ARB2A: variants seen among roughly 807,000 people sequenced by gnomAD.
ARB2A encodes cotranscriptional regulator ARB2A.
the ARB2A span, chr5:93,805,581 G>C: frequency 3.0e-6 from 3 of 984,988 alleles, no homozygotes; most frequent in South Asian, 9.4e-5. Context: ...TAATTACACA[G>C]AGGTCACAAT....
the ARB2A span, among the ~76,000 whole-genome samples, chr5:93,802,165 T>C: frequency 6.6e-6 from 1 of 152,090 alleles, no homozygotes; most frequent in Non-Finnish European, 1.5e-5. Flanking sequence ...AGATATATTT[T>C]CTCTGATAAA....
At chr5:93,790,714 T>C in the ARB2A span, among the ~76,000 whole-genome samples, 1 of 152,134 alleles carries the variant, frequency 6.6e-6, no homozygotes, top group South Asian at 2.1e-4. Flanking sequence ...AAAGAGTCCC[T>C]TTACCACCTT....
the ARB2A span, among the ~76,000 whole-genome samples, chr5:93,718,657 A>G: frequency 6.6e-6 from 1 of 152,158 alleles, no homozygotes; most frequent in South Asian, 2.1e-4. Context: ...GAAATGAAAG[A>G]CTTATCACTT....
At chr5:93,915,559 A>G in the ARB2A span, among the ~76,000 whole-genome samples, 3 of 152,138 alleles carry the variant, frequency 2.0e-5, no homozygotes, top group South Asian at 6.2e-4. Context: ...ACAGGTTCAT[A>G]AAACTTAAAA....
the ARB2A span, among the ~76,000 whole-genome samples, chr5:94,082,935 T>C: frequency 2.8e-4 from 42 of 152,346 alleles, no homozygotes; most frequent in East Asian, 8.1e-3. Flanking sequence ...AGTGGTTATT[T>C]ACTTTATCCA....
At chr5:94,048,435 A>AG in the ARB2A span, among the ~76,000 whole-genome samples, 1 of 152,324 alleles carries the variant, frequency 6.6e-6, no homozygotes, top group Admixed American at 6.5e-5. Flanking sequence ...AACACTAACA[A>AG]GAACTGTGAA....
the ARB2A span, among the ~76,000 whole-genome samples, chr5:94,079,546 G>C: frequency 1.3e-5 from 2 of 152,096 alleles, no homozygotes; most frequent in Non-Finnish European, 2.9e-5. Context: ...CTACCATGTT[G>C]ATACAGCCAA....
At chr5:93,625,318 C>A in the ARB2A span, among the ~76,000 whole-genome samples, 1 of 152,098 alleles carries the variant, frequency 6.6e-6, no homozygotes, top group South Asian at 2.1e-4. Context: ...ACAGTAAAAG[C>A]ACGGCATAAT....
the ARB2A span, among the ~76,000 whole-genome samples, chr5:93,899,722 T>G: frequency 6.6e-6 from 1 of 152,330 alleles, no homozygotes; most frequent in East Asian, 1.9e-4. Flanking sequence ...TAGGATAGTT[T>G]AATCACATGA....
the ARB2A span, among the ~76,000 whole-genome samples, chr5:93,692,293 A>G: frequency 6.6e-6 from 1 of 152,214 alleles, no homozygotes; most frequent in South Asian, 2.1e-4. Context: ...TCTCACGTGC[A>G]AAGTCACACA....
the ARB2A span, among the ~76,000 whole-genome samples, chr5:93,643,520 T>A: frequency 6.6e-6 from 1 of 152,098 alleles, no homozygotes; most frequent in Admixed American, 6.5e-5. Flanking sequence ...TGAGATGGAT[T>A]TTTTGCTATT....
chr5:94,039,212 A>G, the ARB2A span, among the ~76,000 whole-genome samples: 1 of 152,198 alleles, frequency 6.6e-6, no homozygotes, highest in Admixed American at 6.5e-5. Flanking sequence ...TTTGAACCAA[A>G]GCAACTCCAT....
At chr5:93,890,165 G>GA in the ARB2A span, among the ~76,000 whole-genome samples, 4 of 151,596 alleles carry the variant, frequency 2.6e-5, no homozygotes, top group African/African-American at 9.7e-5. Context: ...TAAAGTGCAG[G>GA]AAAAAAATCT....
At chr5:93,878,872 T>A in the ARB2A span, among the ~76,000 whole-genome samples, 1 of 152,050 alleles carries the variant, frequency 6.6e-6, no homozygotes, top group African/African-American at 2.4e-5. Context: ...TCTACAGTAA[T>A]TACTAGTCCT....
chr5:93,657,393 T>A, the ARB2A span, among the ~76,000 whole-genome samples: 1 of 152,200 alleles, frequency 6.6e-6, no homozygotes, highest in African/African-American at 2.4e-5. Flanking sequence ...CTATCATATT[T>A]GATCTTTCAT....
the ARB2A span, among the ~76,000 whole-genome samples, chr5:94,105,459 A>G: frequency 6.6e-6 from 1 of 152,076 alleles, no homozygotes; most frequent in Non-Finnish European, 1.5e-5. Context: ...GATGAGAATT[A>G]CAAAATGTTG....
At chr5:93,998,841 A>G in the ARB2A span, among the ~76,000 whole-genome samples, 3 of 152,012 alleles carry the variant, frequency 2.0e-5, no homozygotes, top group Non-Finnish European at 4.4e-5. Flanking sequence ...TGCTTATAAA[A>G]CCATTACTAG....
At chr5:93,805,735 T>G in the ARB2A span, 1 of 985,188 alleles carries the variant, frequency 1.0e-6, no homozygotes. Flanking sequence ...CAAATGCATA[T>G]GTATACCTAT....
chr5:93,897,059 G>T, the ARB2A span, among the ~76,000 whole-genome samples: 2 of 152,002 alleles, frequency 1.3e-5, no homozygotes, highest in Admixed American at 1.3e-4. Context: ...GTATAGGTTG[G>T]CATATAAACA....
Sources: gnomAD v4.1 joint callset for allele counts (sites outside exome capture counted in the v4.1 genomes callset) on GRCh38, gnomAD v4.1.1 for gene constraint, MANE v1.5 for transcripts, NCBI Gene and HGNC (gene_info 2026-07-23, HGNC 2026-07-21) for gene names.